Variants in DPH6 observed in about 807,000 individuals in gnomAD.
DPH6 encodes diphthine--ammonia ligase.
In DPH6, 33 loss-of-function variants were observed where a neutral mutation model predicts 38.2. That is an observed-to-expected ratio of 0.86 (90% CI 0.65 to 1.15). DPH6 has a LOEUF of 1.15. Among genes scored for constraint, DPH6 ranks in the 50% most tolerant of loss-of-function variants. DPH6 has a pLI of 0.00. For synonymous variants in DPH6, 108 were observed against 103.0 expected (o/e 1.05, Z -0.30); for missense variants, 325 against 320.0 (o/e 1.02, Z -0.12).
intron 3 of DPH6, among the ~76,000 whole-genome samples, chr15:35,531,505 T>C (rs2055087085): frequency 6.6e-6 from 1 of 152,226 alleles, no homozygotes; most frequent in Non-Finnish European, 1.5e-5. Flanking sequence ...AGAGTCTCAC[T>C]CTGTCGCCCA....
At chr15:35,376,672 G>A (rs1342354377) in intron 7 of DPH6, among the ~76,000 whole-genome samples, 1 of 152,000 alleles carries the variant, frequency 6.6e-6, no homozygotes, top group Non-Finnish European at 1.5e-5. Flanking sequence ...CCCTGTACAG[G>A]TGTACCATTT....
At chr15:35,213,520 T>G (rs549628226), downstream of DPH6, among the ~76,000 whole-genome samples, 9 of 152,336 alleles carry the variant, frequency 5.9e-5, no homozygotes, top group Admixed American at 1.3e-4. Context: ...GTTAGTACTT[T>G]AAGGCCATAG....
intron 3 of DPH6, among the ~76,000 whole-genome samples, chr15:35,315,471 T>C (rs2052180633): frequency 1.3e-5 from 2 of 152,210 alleles, no homozygotes; most frequent in African/African-American, 4.8e-5. Flanking sequence ...GCAACTGCAG[T>C]TACTTTGCAA....
At chr15:35,268,605 C>T (rs1339109522) in intron 3 of DPH6, among the ~76,000 whole-genome samples, 1 of 150,642 alleles carries the variant, frequency 6.6e-6, no homozygotes, top group Non-Finnish European at 1.5e-5. Flanking sequence ...GCAGAAAAAA[C>T]TTAGTGAGGG....
Position 35,272,890 on chromosome 15 carries a change from G to A in DPH6, n.201-52308C>T, listed in dbSNP as rs184862525. ...CCACTGCACTCCAGCCTGGGCAACA[G>A]AGCGAGACCCCATCTAAAAAAAAAA... On this transcript the variant is annotated intron_variant and non_coding_transcript_variant, in intron 3 of 3. Coordinates refer to the DPH6 transcript ENST00000560386. Among the ~76,000 whole-genome samples the A allele has an allele frequency of 1.7e-3, 261 of 151,512 alleles. 1 individual carries two copies. The highest frequency in any genetic ancestry group is 5.1e-3 in the East Asian group (26 of 5,144).
intron 3 of DPH6, among the ~76,000 whole-genome samples, chr15:35,259,227 T>C (rs1595450104): frequency 6.6e-6 from 1 of 152,040 alleles, no homozygotes; most frequent in African/African-American, 2.4e-5. Context: ...GGTGTTCTAA[T>C]CATATATCTG....
At chr15:35,328,688 T>A (rs978098510), downstream of DPH6, among the ~76,000 whole-genome samples, 1 of 152,222 alleles carries the variant, frequency 6.6e-6, no homozygotes, top group Non-Finnish European at 1.5e-5. Flanking sequence ...TTGAGAAGTT[T>A]TAAATGAATT....
At chr15:35,414,691 A>AT (rs1032336138) in intron 5 of DPH6, among the ~76,000 whole-genome samples, 1 of 141,744 alleles carries the variant, frequency 7.1e-6, no homozygotes, top group South Asian at 2.4e-4. Flanking sequence ...GGCTTTTTCT[A>AT]TTTTTTTCCT....
intron 5 of DPH6, among the ~76,000 whole-genome samples, chr15:35,435,195 G>C (rs1220387919): frequency 1.2e-4 from 18 of 152,164 alleles, no homozygotes; most frequent in Admixed American, 1.2e-3. Context: ...CCTGGGTGCT[G>C]CATAACATTA....
At chr15:35,291,448 T>C (rs991378332) in intron 3 of DPH6, among the ~76,000 whole-genome samples, 4 of 152,212 alleles carry the variant, frequency 2.6e-5, no homozygotes, top group African/African-American at 9.6e-5. Context: ...GTGACAAACA[T>C]CCTAACCTTC....
chr15:35,189,863 A>ATTT, the DPH6 span, among the ~76,000 whole-genome samples: 1 of 152,208 alleles, frequency 6.6e-6, no homozygotes, highest in African/African-American at 2.4e-5. Flanking sequence ...GTAGTAAATG[A>ATTT]TTTCCAGGGG....
chr15:35,413,976 T>C (rs979630038), intron 5 of DPH6, among the ~76,000 whole-genome samples: 5 of 151,772 alleles, frequency 3.3e-5, no homozygotes, highest in African/African-American at 1.2e-4. Flanking sequence ...AAAGTCTTAA[T>C]GTATTAAGTA....
the DPH6 span, among the ~76,000 whole-genome samples, chr15:35,187,283 G>C: frequency 6.6e-6 from 1 of 152,174 alleles, no homozygotes; most frequent in Non-Finnish European, 1.5e-5. Flanking sequence ...TTTGGGAACT[G>C]ATACATAAAC....
At chr15:35,453,955 T>C (rs573687211) in intron 4 of DPH6, among the ~76,000 whole-genome samples, 1 of 151,940 alleles carries the variant, frequency 6.6e-6, no homozygotes, top group Non-Finnish European at 1.5e-5. Flanking sequence ...TATTTGTAGG[T>C]CAAATTGTGC....
At chr15:35,171,214 C>T in the DPH6 span, among the ~76,000 whole-genome samples, 4 of 152,176 alleles carry the variant, frequency 2.6e-5, no homozygotes, top group African/African-American at 9.7e-5. Flanking sequence ...TTAAATGGTT[C>T]GTCTGCCACT....
At chr15:35,170,671 T>C in the DPH6 span, among the ~76,000 whole-genome samples, 4 of 152,058 alleles carry the variant, frequency 2.6e-5, no homozygotes, top group African/African-American at 9.7e-5. Context: ...ATAAAGAAGG[T>C]TGTTGAGTAG....
intron 3 of DPH6, among the ~76,000 whole-genome samples, chr15:35,525,220 G>A (rs1229210362): frequency 6.6e-6 from 1 of 152,126 alleles, no homozygotes; most frequent in Non-Finnish European, 1.5e-5. Context: ...AGGAAATCAA[G>A]AGCAATGCCT....
chr15:35,323,574 C>G (rs2052258365), intron 3 of DPH6, among the ~76,000 whole-genome samples: 1 of 152,122 alleles, frequency 6.6e-6, no homozygotes, highest in African/African-American at 2.4e-5. Flanking sequence ...GTTACTGCCA[C>G]ATTTAGACAT....
At chr15:35,525,484 T>C (rs963769773) in intron 3 of DPH6, among the ~76,000 whole-genome samples, 2 of 152,186 alleles carry the variant, frequency 1.3e-5, no homozygotes, top group East Asian at 1.9e-4. Flanking sequence ...TCTGATCTCA[T>C]AGCACATAGC....
Sources: allele counts gnomAD v4.1 joint callset (sites outside exome capture counted in the v4.1 genomes callset), GRCh38; gene constraint gnomAD v4.1.1; transcripts MANE v1.5; gene names NCBI Gene and HGNC (gene_info 2026-07-23, HGNC 2026-07-21).